The following LEUTX variants were observed in gnomAD, a reference collection of about 807,000 sequenced individuals.
LEUTX encodes the protein paired-like homeodomain transcription factor LEUTX.
LEUTX carries 5 observed loss-of-function variants against 4.5 expected under a neutral mutation model. The observed-to-expected ratio is 1.11, with a 90% confidence interval of 0.58 to 2.34. The LOEUF (loss-of-function observed/expected upper bound fraction) is 2.34, where lower values mean the gene tolerates loss of function less well. Ranked by LOEUF, LEUTX falls within the 30% of genes most tolerant of loss-of-function variation. The probability of loss-of-function intolerance (pLI) is 0.01; values close to 1 mark genes in which losing one functional copy is unlikely to be tolerated. For missense variants in LEUTX, 233 were observed against 239.4 expected (o/e 0.97, Z 0.18); for synonymous variants, 89 against 85.1 (o/e 1.05, Z -0.25).
intron 2 of LEUTX, 81 bp downstream of exon 2, chr19:39,784,759 C>T (rs1292620269): frequency 1.9e-6 from 2 of 1,074,692 alleles, no homozygotes; most frequent in Admixed American, 2.3e-5. Context: ...ATAACAGTTC[C>T]TATTTATTGG....
At chr19:39,780,245 T>A (rs1394072698) in intron 1 of LEUTX, among the ~76,000 whole-genome samples, 4 of 152,212 alleles carry the variant, frequency 2.6e-5, no homozygotes, top group Non-Finnish European at 5.9e-5. Flanking sequence ...TGGTAGATGA[T>A]TTTAAACTCA....
At chr19:39,776,843 T>G, upstream of LEUTX, among the ~76,000 whole-genome samples, 1 of 151,984 alleles carries the variant, frequency 6.6e-6, no homozygotes, top group Non-Finnish European at 1.5e-5. Context: ...ATCACACCAC[T>G]GCCTGGGTGA....
intron 2 of LEUTX, among the ~76,000 whole-genome samples, 177 bp from the exon 3 acceptor site, chr19:39,785,521 C>T (rs1392107422): frequency 6.6e-6 from 1 of 152,074 alleles, no homozygotes; most frequent in Non-Finnish European, 1.5e-5. Context: ...ATTGCTAGTA[C>T]AATCCTACAC....
At position 39,785,901 on chromosome 19, in the gene LEUTX, C is replaced by T. The variant is rs764451393; in HGVS notation, c.363C>T (p.Ile121=). The change falls in exon 3 of 3, where the codon ATC becomes ATT. Residue 121 remains isoleucine (I), a synonymous_variant. Transcript: ENST00000638280. ...NDHDLREPSG[I]KNPGGASASA... ...ATGATCTACGTGAGCCTTCTGGTAT[C>T]AAGAATCCTGGAGGAGCCAGCGCCT... The T allele has an allele frequency of 6.4e-7, 1 of 1,551,678 alleles. No individual in the cohort carries two copies. The highest frequency in any genetic ancestry group is 2.4e-5 in the East Asian group (1 of 40,946).
chr19:39,776,725 G>C (rs1403979905), upstream of LEUTX: 2 of 454,002 alleles, frequency 4.4e-6, no homozygotes, highest in Non-Finnish European at 8.8e-6. Flanking sequence ...GGTAAGAAAA[G>C]TGAGCTGAGA....
intron 1 of LEUTX, 50 bp from the exon 2 acceptor site, chr19:39,784,477 T>A: frequency 1.4e-6 from 1 of 716,762 alleles, no homozygotes; most frequent in Non-Finnish European, 2.5e-6. Context: ...ACTCTCCTCA[T>A]TTCCTTCCGA....
At chr19:39,784,238 G>A (rs1476052152) in intron 1 of LEUTX, among the ~76,000 whole-genome samples, 2 of 151,802 alleles carry the variant, frequency 1.3e-5, no homozygotes, top group African/African-American at 2.4e-5. Context: ...CTTAATAACT[G>A]ACCTTCAGAA....
Position 39,786,023 on chromosome 19 carries a change from T to C in LEUTX, c.485T>C (p.Ile162Thr), listed in dbSNP as rs750419185. The C allele has an allele frequency of 1.3e-6, 2 of 1,551,744 alleles. No individual in the cohort carries two copies. The highest frequency in any genetic ancestry group is 1.7e-6 in the Non-Finnish European group (2 of 1,146,998). ...NPPWASTLFE[I>T]DEFVKIYDLP... Reference sequence around the variant, plus strand: ...CCTTGGGCCTCCACTCTCTTTGAAATAGATGAATTTGTAAAGATCTATGAC... The same window carrying C: ...CCTTGGGCCTCCACTCTCTTTGAAACAGATGAATTTGTAAAGATCTATGAC... The change falls in exon 3 of 3, where the codon ATA (isoleucine) becomes ACA (threonine). Residue 162 changes from isoleucine to threonine, a missense_variant. By Grantham distance (89) the Ile-to-Thr change is moderately conservative (BLOSUM62 -1). Coordinates refer to ENST00000638280, the MANE Select transcript of LEUTX (RefSeq NM_001382345.1).
intron 1 of LEUTX, among the ~76,000 whole-genome samples, chr19:39,782,827 A>C (rs75167413): frequency 0.014 from 2,161 of 152,326 alleles, 62 homozygotes; most frequent in African/African-American, 0.049. Flanking sequence ...AGCTTAGGAA[A>C]GAAGCTTACC....
chr19:39,776,884 GA>G (rs958658830), upstream of LEUTX, among the ~76,000 whole-genome samples: 1 of 151,966 alleles, frequency 6.6e-6, no homozygotes, highest in Non-Finnish European at 1.5e-5. Flanking sequence ...AAAAAAGAAA[GA>G]AAAAAGGGAA....
Position 39,785,811 on chromosome 19 carries a change from T to C in LEUTX, c.273T>C (p.Thr91=), listed in dbSNP as rs748018606. ...CAACTTCAGTGAAGAAGGAGGAGAC[T>C]CCCTCAGCCATAACTACTGCAAACA... The part of the protein sequence containing the change: ...NQTTSVKKEE[T]PSAITTANIR... The change falls in exon 3 of 3, where the codon ACT becomes ACC. Residue 91 remains threonine (T), a synonymous_variant. Coordinates refer to ENST00000638280, the MANE Select transcript of LEUTX (RefSeq NM_001382345.1). 1 of 1,551,746 alleles carries C rather than the reference T, an allele frequency of 6.4e-7. No individual in the cohort carries two copies. Among genetic ancestry groups the C allele is most frequent in the South Asian group, 1.2e-5 (1 of 84,064 alleles).
upstream of LEUTX, chr19:39,776,510 CT>C (rs1449276684): frequency 4.6e-6 from 2 of 435,994 alleles, no homozygotes; most frequent in South Asian, 3.2e-5. Flanking sequence ...TGAGAGAAGC[CT>C]TTGATGAGAA....
chr19:39,786,174 C>A lies in LEUTX; in HGVS notation c.*39C>A. ...ACTTCTAGGGGAGGTCTGGATCTGA[C>A]CCACTGAGACATATTTCCACACATC... is the stretch of plus-strand genomic sequence containing the variant. On this transcript the variant is annotated 3_prime_UTR_variant, in exon 3 of 3. Transcript: ENST00000638280. 1 of 1,395,312 alleles carries A rather than the reference C, an allele frequency of 7.2e-7. No homozygotes were observed. Among genetic ancestry groups the A allele is most frequent in the South Asian group, 1.5e-5 (1 of 66,064 alleles). The allele number at this position is 1,395,312 out of a possible 1,614,324, so 86.4% of individuals were successfully genotyped here. A position where few individuals can be genotyped will look rare whatever the true frequency, so the allele number is the denominator to read the frequency against.
chr19:39,781,860 A>C (rs1967891621), intron 1 of LEUTX, among the ~76,000 whole-genome samples: 1 of 152,202 alleles, frequency 6.6e-6, no homozygotes, highest in Admixed American at 6.5e-5. Flanking sequence ...TAATTAACAG[A>C]CTTGCTTCTT....
intron 1 of LEUTX, among the ~76,000 whole-genome samples, chr19:39,783,855 G>A (rs1967924429): frequency 6.6e-6 from 1 of 151,930 alleles, no homozygotes; most frequent in Admixed American, 6.6e-5. Flanking sequence ...TTGCTAATTT[G>A]TTTGAGTTCG....
At chr19:39,779,674 T>C (rs1967855341) in intron 1 of LEUTX, among the ~76,000 whole-genome samples, 1 of 152,244 alleles carries the variant, frequency 6.6e-6, no homozygotes, top group African/African-American at 2.4e-5. Flanking sequence ...TTGTGATATT[T>C]ATCAACATTT....
chr19:39,777,049 C>G (rs2144950993), upstream of LEUTX, among the ~76,000 whole-genome samples: 1 of 152,272 alleles, frequency 6.6e-6, no homozygotes, highest in East Asian at 1.9e-4. Context: ...CAACACACCT[C>G]AACTACAGTG....
rs1266514469 is a variant in LEUTX at position 39,786,054 on chromosome 19, A to G, written c.516A>G (p.Pro172=). The G allele has an allele frequency of 5.2e-6, 8 of 1,551,464 alleles. No homozygotes were observed. Among genetic ancestry groups the G allele is most frequent in the Non-Finnish European group, 7.0e-6 (8 of 1,146,972 alleles). Residue 172 remains proline, a synonymous_variant, in exon 3 of 3, where the codon CCA becomes CCG. Transcript: ENST00000638280. Reference sequence around the variant, plus strand: ...AATTTGTAAAGATCTATGACTTGCCAGGGGAAGATGACACCAGCAGCCTAA... The same window carrying G: ...AATTTGTAAAGATCTATGACTTGCCGGGGGAAGATGACACCAGCAGCCTAA... The part of the protein sequence containing the change: ...IDEFVKIYDL[P]GEDDTSSLNQ...
At chr19:39,777,370 C>T (rs977212944), upstream of LEUTX, among the ~76,000 whole-genome samples, 14 of 152,162 alleles carry the variant, frequency 9.2e-5, no homozygotes, top group East Asian at 2.7e-3. Flanking sequence ...ATCCCAATTT[C>T]CTAGTCACTG....
Sources: allele counts gnomAD v4.1 joint callset (sites outside exome capture counted in the v4.1 genomes callset), GRCh38; gene constraint gnomAD v4.1.1; transcripts MANE v1.5; gene names NCBI Gene and HGNC (gene_info 2026-07-23, HGNC 2026-07-21).